Variants in TAF4B observed in about 807,000 individuals in gnomAD.
TAF4B encodes TATA-box binding protein associated factor 4b.
In TAF4B, 38 loss-of-function variants were observed where a neutral mutation model predicts 86.4. The observed-to-expected ratio is 0.44, with a 90% CI of 0.34 to 0.58. The LOEUF (loss-of-function observed/expected upper bound fraction) is 0.58. Among genes scored for constraint, TAF4B ranks in the 20% least tolerant of loss-of-function variants. The pLI, the probability that TAF4B is intolerant of heterozygous loss-of-function variation, is 0.02. For synonymous variants in TAF4B, 388 were observed against 391.2 expected, an observed-to-expected ratio of 0.99 and a Z score of 0.10; for missense variants, 988 against 1,027.6, an observed-to-expected ratio of 0.96 and a Z score of 0.53.
chr18:26,264,538 T>C (rs1298155188), intron 1 of TAF4B, among the ~76,000 whole-genome samples: 2 of 152,240 alleles, frequency 1.3e-5, no homozygotes, highest in Non-Finnish European at 2.9e-5. Context: ...TTATCTGGCA[T>C]GTGGCATTGT....
chr18:26,383,189 T>C (rs1468868802), intron 14 of TAF4B, among the ~76,000 whole-genome samples: 1 of 152,222 alleles, frequency 6.6e-6, no homozygotes, highest in East Asian at 1.9e-4. Context: ...TTGGTTCTTA[T>C]AGGAAAATCT....
At chr18:26,375,674 T>C (rs62085456) in intron 14 of TAF4B, among the ~76,000 whole-genome samples, 12,528 of 152,276 alleles carry the variant, frequency 0.082, 613 homozygotes, top group Middle Eastern at 0.13. Flanking sequence ...TGAGCATCTT[T>C]TCATGTGCTT....
intron 1 of TAF4B, among the ~76,000 whole-genome samples, chr18:26,231,406 A>G (rs1178002978): frequency 2.0e-4 from 27 of 132,128 alleles, no homozygotes; most frequent in Non-Finnish European, 3.6e-4. Flanking sequence ...AGGTTGGAGT[A>G]CAGTGGCATG....
chr18:26,315,136 C>CTG (rs1568147873), intron 9 of TAF4B, 93 bp from the exon 10 acceptor site: 64 of 310,952 alleles, frequency 2.1e-4, no homozygotes, highest in African/African-American at 1.5e-3. Context: ...CTCTCTCTCT[C>CTG]TCTCTCTCTG....
Position 26,334,545 on chromosome 18 carries a change from C to T in TAF4B, c.2260-630C>T, listed in dbSNP as rs1425528507. ...AGCTTGATACATAGAAAACAGCTCT[C>T]TTCTTATGCCAGTTCTGTATTATGG... On this transcript the variant is annotated intron_variant, in intron 12 of 14. Transcript: ENST00000269142. 5.3e-5 allele frequency among the ~76,000 whole-genome samples: 8 copies of T among 152,132 alleles called. No individual in the cohort carries two copies. In the East Asian group the frequency reaches 1.2e-3, roughly 22 times the overall value.
intron 3 of TAF4B, 85 bp from the exon 4 acceptor site, chr18:26,274,578 T>C: frequency 6.8e-7 from 1 of 1,462,796 alleles, no homozygotes; most frequent in Non-Finnish European, 9.4e-7. Context: ...ATGTCAAAAT[T>C]AACTTGTCTG....
intron 13 of TAF4B, among the ~76,000 whole-genome samples, chr18:26,348,053 C>T (rs1195812119): frequency 6.6e-6 from 1 of 152,208 alleles, no homozygotes; most frequent in Non-Finnish European, 1.5e-5. Context: ...TTAAACTGTA[C>T]TGTAGACCAA....
Position 26,258,695 on chromosome 18 carries a change from TA to T in TAF4B, c.344-6466del, listed in dbSNP as rs79408564. 1.0e-3 allele frequency among the ~76,000 whole-genome samples: 155 copies of T among 151,806 alleles called. 3 individuals carry two copies. Among genetic ancestry groups the T allele is most frequent in the South Asian group, 3.7e-3 (18 of 4,810 alleles). Reference sequence around the variant, plus strand: ...ACTAATGAATCTTCTCAGTTTAAATTAAAAAAAAATTTTTTTTAGAGACAAG... The same window carrying T: ...ACTAATGAATCTTCTCAGTTTAAATTAAAAAAAATTTTTTTTAGAGACAAG... On this transcript the variant is annotated intron_variant, in intron 1 of 14. Coordinates refer to ENST00000269142, the MANE Select transcript of TAF4B (RefSeq NM_005640.3).
At position 26,297,520 on chromosome 18, in the gene TAF4B, T is replaced by C. The variant is rs1423167346; in HGVS notation, c.1832+3989T>C. Among the ~76,000 whole-genome samples, 4 of 152,196 alleles carry C rather than the reference T, an allele frequency of 2.6e-5. No homozygotes were observed. The East Asian group carries it at 7.7e-4, about 29-fold the overall frequency. On this transcript the variant is annotated intron_variant, in intron 9 of 14. Transcript: ENST00000269142. ...TGCCCTGCATGCTTTCCCCCTGGCT[T>C]CTCTATTCTGTTTTAGTTGGGTATG... is the stretch of plus-strand genomic sequence containing the variant.
rs775449968 is a variant in TAF4B at position 26,390,024 on chromosome 18, T to A, written c.*12T>A. 1 of 1,611,778 alleles carries A rather than the reference T, an allele frequency of 6.2e-7. No homozygotes were observed. On this transcript the variant is annotated 3_prime_UTR_variant, in exon 15 of 15. Transcript: ENST00000269142. ...CCCTTCTGAAGTGACCACTCCACTC[T>A]TCCATCCAGATCCTTGCTATTTACT...
chr18:26,354,988 T>C (rs1410995207), intron 13 of TAF4B, among the ~76,000 whole-genome samples: 1 of 152,212 alleles, frequency 6.6e-6, no homozygotes, highest in East Asian at 1.9e-4. Context: ...TTGGAGGGAA[T>C]TGAAATCTTT....
chr18:26,256,819 C>CTT lies in TAF4B; in HGVS notation c.344-8338_344-8337dup, dbSNP rs146699043. Among the ~76,000 whole-genome samples, 419 of 142,050 alleles carry CTT rather than the reference C, an allele frequency of 2.9e-3. 1 individual carries two copies. The highest frequency in any genetic ancestry group is 7.0e-3 in the African/African-American group (271 of 38,882). The allele number at this position is 142,050 out of a possible 152,430, so 93.2% of individuals were successfully genotyped here. On this transcript the variant is annotated intron_variant, in intron 1 of 14. Transcript: ENST00000269142. ...ATGCACATATTTGGGAGTTACCCCACTTTTTTTTTTTTTTCTGTCACTGTT... is the reference window on the plus strand; with the variant it reads ...ATGCACATATTTGGGAGTTACCCCACTTTTTTTTTTTTTTTTCTGTCACTGTT...
chr18:26,370,845 T>C (rs961332403), intron 14 of TAF4B, among the ~76,000 whole-genome samples: 3 of 152,184 alleles, frequency 2.0e-5, no homozygotes, highest in African/African-American at 7.2e-5. Context: ...GTTGGTTGAC[T>C]TAAAGCTAGA....
intron 1 of TAF4B, among the ~76,000 whole-genome samples, chr18:26,239,990 G>C (rs1360119291): frequency 6.6e-6 from 1 of 152,150 alleles, no homozygotes. Context: ...GGTTACTATA[G>C]CCTTGTAGTA....
chr18:26,295,113 T>TTA (rs887155407), intron 9 of TAF4B: 2 of 201,536 alleles, frequency 9.9e-6, no homozygotes, highest in South Asian at 9.0e-5. Context: ...ACTGCATAAT[T>TTA]TATATATATA....
chr18:26,243,303 A>G (rs550279810), intron 1 of TAF4B, among the ~76,000 whole-genome samples: 1 of 151,766 alleles, frequency 6.6e-6, no homozygotes, highest in Admixed American at 6.6e-5. Flanking sequence ...TTTTTTCTCT[A>G]AACTTCTCTT....
At chr18:26,296,093 C>G (rs569562469) in intron 9 of TAF4B, among the ~76,000 whole-genome samples, 4 of 151,072 alleles carry the variant, frequency 2.6e-5, no homozygotes, top group Non-Finnish European at 2.9e-5. Context: ...CTTTTTTTAC[C>G]CTTTATTTAT....
At chr18:26,310,419 T>G (rs758774208) in intron 9 of TAF4B, among the ~76,000 whole-genome samples, 1 of 152,166 alleles carries the variant, frequency 6.6e-6, no homozygotes, top group Non-Finnish European at 1.5e-5. Context: ...TATGCTACGC[T>G]ACATTTGAGT....
At chr18:26,360,637 C>T (rs906100824) in intron 14 of TAF4B, among the ~76,000 whole-genome samples, 2 of 152,196 alleles carry the variant, frequency 1.3e-5, no homozygotes, top group East Asian at 1.9e-4. Context: ...TAAGAGTTGA[C>T]GTGTGTATTT....
Sources: allele counts gnomAD v4.1 joint callset (sites outside exome capture counted in the v4.1 genomes callset), GRCh38; gene constraint gnomAD v4.1.1; transcripts MANE v1.5; gene names NCBI Gene and HGNC (gene_info 2026-07-23, HGNC 2026-07-21).